TMC5: variants seen among roughly 807,000 people sequenced by gnomAD.
TMC5 encodes the protein transmembrane channel like 5, also known as transmembrane channel-like protein 5.
In TMC5, 86 loss-of-function variants were observed where a neutral mutation model predicts 110.5. That is an observed-to-expected ratio of 0.78 (90% CI 0.65 to 0.93). The LOEUF (loss-of-function observed/expected upper bound fraction) is 0.93, where lower values mean the gene tolerates loss of function less well. Ranked by LOEUF, TMC5 falls within the 40% of genes least tolerant of loss-of-function variation. The probability of loss-of-function intolerance (pLI) is 0.00; values close to 1 mark genes in which losing one functional copy is unlikely to be tolerated. For missense variants in TMC5, 1,144 were observed against 1,222.8 expected (o/e 0.94, Z 0.96); for synonymous variants, 455 against 439.5 (o/e 1.04, Z -0.44).
intron 18 of TMC5, among the ~76,000 whole-genome samples, 192 bp downstream of exon 18, chr16:19,490,760 T>TTCCTTCCC (rs902892521): frequency 1.4e-4 from 7 of 51,376 alleles, no homozygotes; most frequent in African/African-American, 2.9e-4. Flanking sequence ...CCTTCCTTCC[T>TTCCTTCCC]TCCCTTCCTT....
chr16:19,443,388 G>A (rs750221174), intron 3 of TMC5, among the ~76,000 whole-genome samples: 15 of 152,024 alleles, frequency 9.9e-5, no homozygotes, highest in Admixed American at 2.0e-4. Flanking sequence ...GTATGAATGT[G>A]TCTTCTCAAT....
chr16:19,485,721 C>G (rs894993970), intron 15 of TMC5, among the ~76,000 whole-genome samples: 2 of 152,254 alleles, frequency 1.3e-5, no homozygotes, highest in African/African-American at 4.8e-5. Flanking sequence ...TCATTAAATT[C>G]TAGCGAGATG....
intron 5 of TMC5, among the ~76,000 whole-genome samples, chr16:19,458,962 A>C (rs1967953756): frequency 4.6e-5 from 7 of 152,064 alleles, no homozygotes. Context: ...TCTTTGCTAC[A>C]GGATAGCAAT....
upstream of TMC5, among the ~76,000 whole-genome samples, chr16:19,414,213 G>T (rs993008805): frequency 6.6e-6 from 1 of 151,372 alleles, no homozygotes; most frequent in African/African-American, 2.4e-5. Flanking sequence ...TGTGTCTGGG[G>T]CTCCCACATC....
At chr16:19,424,663 A>G (rs1967054393) in intron 1 of TMC5, among the ~76,000 whole-genome samples, 1 of 152,116 alleles carries the variant, frequency 6.6e-6, no homozygotes, top group African/African-American at 2.4e-5. Flanking sequence ...AAAAAAGAAT[A>G]TGATAAAGGA....
chr16:19,459,402 G>A (rs2143560005), intron 5 of TMC5, among the ~76,000 whole-genome samples: 1 of 152,280 alleles, frequency 6.6e-6, no homozygotes, highest in South Asian at 2.1e-4. Flanking sequence ...CTAGGAAGGT[G>A]GAAGGGCATT....
At chr16:19,425,144 A>G (rs932025412) in intron 1 of TMC5, among the ~76,000 whole-genome samples, 1 of 152,226 alleles carries the variant, frequency 6.6e-6, no homozygotes, top group South Asian at 2.1e-4. Context: ...AATAAAGACC[A>G]AAGATATATT....
In TMC5 at chr16:19,438,771, GA is replaced by G. The variant is rs147662965; in HGVS notation, c.-79-1185del. Among the ~76,000 whole-genome samples, 1,474 of 152,170 alleles carry G rather than the reference GA, an allele frequency of 9.7e-3. 11 individuals are homozygous for G. Among genetic ancestry groups the G allele is most frequent in the Non-Finnish European group, 0.016 (1,078 of 67,978 alleles). On this transcript the variant is annotated intron_variant, in intron 2 of 21. Coordinates refer to ENST00000542583, the MANE Select transcript of TMC5 (RefSeq NM_001261841.2). ...CAAAAAAAGAAAAACGAAAAGAAAA[GA>G]AAATTAAAACTGCATCACCTCTTAT...
At chr16:19,434,428 G>A (rs1220819038) in intron 2 of TMC5, among the ~76,000 whole-genome samples, 1 of 129,926 alleles carries the variant, frequency 7.7e-6, no homozygotes, top group African/African-American at 2.9e-5. Context: ...TATATAATAT[G>A]TATATATCAT....
At chr16:19,447,041 CTAT>C in intron 4 of TMC5, among the ~76,000 whole-genome samples, 1 of 152,160 alleles carries the variant, frequency 6.6e-6, no homozygotes, top group African/African-American at 2.4e-5. Flanking sequence ...ACAACAACAA[CTAT>C]AAGAGTTGTA....
At chr16:19,454,578 C>A (rs1411791902) in intron 5 of TMC5, among the ~76,000 whole-genome samples, 1 of 152,142 alleles carries the variant, frequency 6.6e-6, no homozygotes, top group African/African-American at 2.4e-5. Context: ...ACTTGGCCTG[C>A]AGTAATGGCA....
chr16:19,477,783 C>G (rs1968524986), intron 13 of TMC5, among the ~76,000 whole-genome samples: 1 of 152,134 alleles, frequency 6.6e-6, no homozygotes, highest in South Asian at 2.1e-4. Context: ...CCTCAGTTTT[C>G]TCATCTGTAA....
At chr16:19,494,634 C>T (rs1969003807) in intron 20 of TMC5, among the ~76,000 whole-genome samples, 1 of 152,142 alleles carries the variant, frequency 6.6e-6, no homozygotes, top group Non-Finnish European at 1.5e-5. Flanking sequence ...TGGTGAAACC[C>T]TGTCTCTACT....
At chr16:19,478,226 C>T in intron 13 of TMC5, among the ~76,000 whole-genome samples, 1 of 152,204 alleles carries the variant, frequency 6.6e-6, no homozygotes, top group South Asian at 2.1e-4. Context: ...TGTGAGCTCT[C>T]AGATACCCAG....
At chr16:19,485,912 C>T in intron 15 of TMC5, among the ~76,000 whole-genome samples, 1 of 152,202 alleles carries the variant, frequency 6.6e-6, no homozygotes, top group Non-Finnish European at 1.5e-5. Flanking sequence ...CTTGTCCCTA[C>T]AGGACCTCAG....
intron 1 of TMC5, among the ~76,000 whole-genome samples, chr16:19,419,666 C>T (rs1273635980): frequency 6.6e-6 from 1 of 151,998 alleles, no homozygotes; most frequent in Admixed American, 6.5e-5. Context: ...TCCGCCTCGG[C>T]CTCCCAAAGT....
rs541998116 is a variant in TMC5, at chr16:19,430,498, T to G, written c.-222T>G. 6.6e-6 allele frequency: 1 copy of G among 152,620 alleles called. No homozygotes were observed. The highest frequency in any genetic ancestry group is 1.5e-5 in the Non-Finnish European group (1 of 68,050). 9.5% of individuals were successfully genotyped at this position (152,620 alleles called of 1,614,324 possible). A position where few individuals can be genotyped will look rare whatever the true frequency, so the allele number is the denominator to read the frequency against. The stretch of plus-strand genomic sequence containing the variant: ...AGATTATAACCCTCCGTAAATCATC[T>G]GCATCCCAGCTCCCATCAAAAGCCA... On this transcript the variant is annotated 5_prime_UTR_variant, in exon 2 of 22. Transcript: ENST00000542583.
At chr16:19,490,715 C>T (rs749037416) in intron 18 of TMC5, 147 bp downstream of exon 18, 12 of 49,822 alleles carry the variant, frequency 2.4e-4, no homozygotes, top group Non-Finnish European at 4.8e-4. Flanking sequence ...GTTTTCTTTC[C>T]TTCCTTCCTT....
chr16:19,457,237 A>C (rs564546631), intron 5 of TMC5, among the ~76,000 whole-genome samples: 6 of 152,276 alleles, frequency 3.9e-5, no homozygotes, highest in African/African-American at 1.4e-4. Flanking sequence ...AAAAAAATTT[A>C]AAAAATAATA....
Sources: allele counts gnomAD v4.1 joint callset (sites outside exome capture counted in the v4.1 genomes callset), GRCh38; gene constraint gnomAD v4.1.1; transcripts MANE v1.5; gene names NCBI Gene and HGNC (gene_info 2026-07-23, HGNC 2026-07-21).